Variants in NRF1 observed in about 807,000 individuals in gnomAD.
The protein encoded by NRF1 is alpha palindromic-binding protein.
NRF1 carries 5 observed loss-of-function variants against 58.5 expected under a neutral mutation model. The ratio of observed to expected loss-of-function variants is 0.09; its 90% CI spans 0.04 to 0.18. The LOEUF (loss-of-function observed/expected upper bound fraction) is 0.18. Ranked by LOEUF, NRF1 falls within the 10% of genes least tolerant of loss-of-function variation. The pLI, the probability that NRF1 is intolerant of heterozygous loss-of-function variation, is 1.00. For missense variants in NRF1, 288 were observed against 657.7 expected (o/e 0.44, Z 6.15); for synonymous variants, 224 against 246.7 (o/e 0.91, Z 0.86).
At chr7:129,696,745 A>G (rs182626195) in intron 5 of NRF1, among the ~76,000 whole-genome samples, 2 of 152,346 alleles carry the variant, frequency 1.3e-5, no homozygotes, top group Non-Finnish European at 1.5e-5. Flanking sequence ...ATAGGATCCT[A>G]AGATACATTC....
chr7:129,658,853 A>C (rs1328939085), intron 2 of NRF1, among the ~76,000 whole-genome samples: 1 of 152,176 alleles, frequency 6.6e-6, no homozygotes, highest in Admixed American at 6.5e-5. Context: ...AAATAATACA[A>C]ATAAAAGGCC....
intron 4 of NRF1, among the ~76,000 whole-genome samples, chr7:129,688,389 T>A (rs1366435756): frequency 6.6e-6 from 1 of 152,046 alleles, no homozygotes; most frequent in Non-Finnish European, 1.5e-5. Context: ...AACTTCCCAA[T>A]GTGCTGGGAT....
Position 129,685,556 on chromosome 7 carries a change from AGTGTGTGTGTGTGTGTGTGT to A in NRF1, c.466-4821_466-4802del, listed in dbSNP as rs67721424. Among the ~76,000 whole-genome samples the A allele has an allele frequency of 6.4e-3, 919 of 143,106 alleles. 8 individuals are homozygous for A. Among genetic ancestry groups the A allele is most frequent in the African/African-American group, 0.015 (570 of 37,442 alleles). The allele number at this position is 143,106 out of a possible 152,430, so 93.9% of individuals were successfully genotyped here. ...AACATGTAAGACCCTGTCTCATTCAAGTGTGTGTGTGTGTGTGTGTGTGTGTGTGTGTGTGTGTGTGTGTG... is the reference window on the plus strand; with the variant it reads ...AACATGTAAGACCCTGTCTCATTCAAGTGTGTGTGTGTGTGTGTGTGTGTG... On this transcript the variant is annotated intron_variant, in intron 4 of 10. Coordinates refer to ENST00000393232, the MANE Select transcript of NRF1 (RefSeq NM_005011.5).
intron 1 of NRF1, among the ~76,000 whole-genome samples, chr7:129,645,598 T>G (rs1398796530): frequency 6.6e-6 from 1 of 152,236 alleles, no homozygotes; most frequent in African/African-American, 2.4e-5. Context: ...CCACATTTTC[T>G]TTGGTTTCCA....
intron 5 of NRF1, among the ~76,000 whole-genome samples, chr7:129,697,941 A>G (rs1802737405): frequency 6.6e-6 from 1 of 152,054 alleles, no homozygotes; most frequent in Non-Finnish European, 1.5e-5. Flanking sequence ...TCACCATGTC[A>G]GGCTGGTCTC....
intron 1 of NRF1, among the ~76,000 whole-genome samples, chr7:129,654,232 C>A (rs982832039): frequency 2.0e-5 from 3 of 152,202 alleles, no homozygotes; most frequent in African/African-American, 7.2e-5. Flanking sequence ...TGATGTTGAG[C>A]ATCTTTTCAT....
intron 10 of NRF1, among the ~76,000 whole-genome samples, chr7:129,750,379 A>G (rs1054295758): frequency 6.6e-6 from 1 of 152,184 alleles, no homozygotes; most frequent in African/African-American, 2.4e-5. Context: ...CCAGGCCTCC[A>G]GCCCCTCCCC....
chr7:129,755,271 C>T lies in NRF1; in HGVS notation c.*90C>T, dbSNP rs576793370. 20 of 1,160,076 alleles carry T rather than the reference C, an allele frequency of 1.7e-5. No homozygotes were observed. In the South Asian group the frequency reaches 3.7e-4, roughly 21 times the overall value. 71.9% of individuals were successfully genotyped at this position (1,160,076 alleles called of 1,614,324 possible). A position where few individuals can be genotyped will look rare whatever the true frequency, so the allele number is the denominator to read the frequency against. On this transcript the variant is annotated 3_prime_UTR_variant, in exon 11 of 11. Transcript: ENST00000393232. This position sits in a 1 kb window ranked among gnomAD's most constrained non-coding sequence, Gnocchi z 5.8. ...TGCAATCAAATGGAATTAAGTCTCT[C>T]GACTTTGGAAGGAAAGTTTTGTTAA...
intron 1 of NRF1, among the ~76,000 whole-genome samples, chr7:129,654,127 C>T (rs1021344185): frequency 1.3e-5 from 2 of 152,232 alleles, no homozygotes; most frequent in Admixed American, 1.3e-4. Flanking sequence ...ACATCCTCAA[C>T]AGCGTTTGGT....
At chr7:129,726,771 A>G (rs1165716037) in intron 9 of NRF1, among the ~76,000 whole-genome samples, 2 of 152,362 alleles carry the variant, frequency 1.3e-5, no homozygotes, top group East Asian at 1.9e-4. Flanking sequence ...CTGACTCCTC[A>G]TATTATCATT....
chr7:129,623,258 AC>A (rs1488975382), intron 1 of NRF1, among the ~76,000 whole-genome samples: 17 of 152,272 alleles, frequency 1.1e-4, no homozygotes, highest in African/African-American at 3.6e-4. Context: ...GAAGTGAAGA[AC>A]CTTGTCTCAA....
At chr7:129,621,032 T>G (rs1800786901) in intron 1 of NRF1, among the ~76,000 whole-genome samples, 1 of 152,228 alleles carries the variant, frequency 6.6e-6, no homozygotes, top group Non-Finnish European at 1.5e-5. Context: ...ATTTCTAAAG[T>G]CGTGAATAAA....
intron 10 of NRF1, among the ~76,000 whole-genome samples, chr7:129,743,922 G>A (rs774113293): frequency 1.1e-4 from 16 of 152,262 alleles, no homozygotes; most frequent in Admixed American, 4.6e-4. Context: ...AAATTCCAAC[G>A]GCGAGGGGGA....
At chr7:129,633,813 T>A (rs917296502) in intron 1 of NRF1, 2 of 151,766 alleles carry the variant, frequency 1.3e-5, no homozygotes, top group Non-Finnish European at 2.9e-5. Context: ...TATGTGTATA[T>A]ATATATAAAA....
intron 3 of NRF1, among the ~76,000 whole-genome samples, chr7:129,672,793 G>GA (rs1802081033): frequency 1.3e-5 from 2 of 152,172 alleles, no homozygotes; most frequent in Non-Finnish European, 2.9e-5. Context: ...AGTTTGTGAT[G>GA]CCTCTAACCA....
At chr7:129,663,498 G>T (rs1801840579) in intron 2 of NRF1, among the ~76,000 whole-genome samples, 1 of 151,100 alleles carries the variant, frequency 6.6e-6, no homozygotes, top group African/African-American at 2.4e-5. Flanking sequence ...AGACGGGGCG[G>T]CCGGGCAGAG....
chr7:129,745,459 C>CTGA (rs1277525184), intron 10 of NRF1, among the ~76,000 whole-genome samples: 1 of 151,886 alleles, frequency 6.6e-6, no homozygotes, highest in Non-Finnish European at 1.5e-5. Flanking sequence ...CTATTGTGAA[C>CTGA]TGATGATCTA....
At chr7:129,672,085 G>A (rs942342639) in intron 3 of NRF1, among the ~76,000 whole-genome samples, 3 of 152,068 alleles carry the variant, frequency 2.0e-5, no homozygotes, top group African/African-American at 7.2e-5. Flanking sequence ...TCTCAGGCAG[G>A]GTGAGTATCA....
chr7:129,678,210 C>T (rs967746818), intron 4 of NRF1, among the ~76,000 whole-genome samples: 3 of 152,080 alleles, frequency 2.0e-5, no homozygotes, highest in African/African-American at 7.2e-5. Flanking sequence ...TAATACTGTG[C>T]TCCAAATATA....
Sources: gnomAD v4.1 joint callset for allele counts (sites outside exome capture counted in the v4.1 genomes callset) on GRCh38, gnomAD v4.1.1 for gene constraint, Gnocchi (gnomAD v3.1) non-coding constraint, MANE v1.5 for transcripts, NCBI Gene and HGNC (gene_info 2026-07-23, HGNC 2026-07-21) for gene names.